ASAH2: variants seen among roughly 807,000 people sequenced by gnomAD.
The protein encoded by ASAH2 is neutral ceramidase.
ASAH2 carries 58 observed loss-of-function variants against 82.9 expected under a neutral mutation model. The observed-to-expected ratio is 0.70, with a 90% CI of 0.57 to 0.87. The LOEUF (loss-of-function observed/expected upper bound fraction) is 0.87. ASAH2 is among the 40% of genes least tolerant of loss of function. ASAH2 has a pLI of 0.00. For synonymous variants in ASAH2, 276 were observed against 289.7 expected (o/e 0.95, Z 0.48); for missense variants, 779 against 834.0 (o/e 0.93, Z 0.81).
chr10:50,190,503 T>C (rs796853361), intron 19 of ASAH2, among the ~76,000 whole-genome samples: 1 of 60,578 alleles, frequency 1.7e-5, no homozygotes, highest in African/African-American at 4.6e-5. Flanking sequence ...CCATAGGAAC[T>C]TGTAAAGAGA....
chr10:50,198,663 A>G (rs1845056778), intron 17 of ASAH2, among the ~76,000 whole-genome samples: 2 of 152,022 alleles, frequency 1.3e-5, no homozygotes, highest in Non-Finnish European at 2.9e-5. Flanking sequence ...AGGATTAGAG[A>G]ACACAGGTTC....
chr10:50,240,358 A>G (rs1846264384), intron 4 of ASAH2, among the ~76,000 whole-genome samples: 1 of 152,140 alleles, frequency 6.6e-6, no homozygotes, highest in Non-Finnish European at 1.5e-5. Flanking sequence ...TAGTATGATG[A>G]TTACTGTTTT....
intron 7 of ASAH2, among the ~76,000 whole-genome samples, chr10:50,222,176 T>A (rs980939379): frequency 2.0e-5 from 3 of 152,162 alleles, no homozygotes; most frequent in African/African-American, 7.2e-5. Flanking sequence ...TAAAGAGGAA[T>A]CAGATGCATT....
chr10:50,210,980 A>C, intron 11 of ASAH2, 50 bp downstream of exon 11: 2 of 1,601,366 alleles, frequency 1.2e-6, no homozygotes, highest in Non-Finnish European at 8.6e-7. Context: ...ATGAGATCAA[A>C]CCAAAACTTC....
chr10:50,205,620 C>T (rs71508045), intron 13 of ASAH2, among the ~76,000 whole-genome samples: 2,762 of 152,020 alleles, frequency 0.018, 30 homozygotes, highest in Non-Finnish European at 0.028. Context: ...TAGACAGGAA[C>T]ATGTTTTGTT....
chr10:50,230,464 A>G (rs1641142572), intron 7 of ASAH2, among the ~76,000 whole-genome samples: 1 of 152,100 alleles, frequency 6.6e-6, no homozygotes, highest in South Asian at 2.1e-4. Context: ...AGCAGCCCAC[A>G]TTTGACTTTA....
At chr10:50,202,444 A>G (rs954579643) in intron 16 of ASAH2, among the ~76,000 whole-genome samples, 1 of 152,088 alleles carries the variant, frequency 6.6e-6, no homozygotes. Flanking sequence ...TAACATTTGC[A>G]AAGTCTTAAC....
chr10:50,224,453 T>G (rs1845828073), intron 7 of ASAH2, among the ~76,000 whole-genome samples: 1 of 152,152 alleles, frequency 6.6e-6, no homozygotes, highest in African/African-American at 2.4e-5. Context: ...TGTTCAACAT[T>G]CGCAACACAT....
At chr10:50,200,366 C>T (rs1165725819) in intron 16 of ASAH2, among the ~76,000 whole-genome samples, 1 of 151,138 alleles carries the variant, frequency 6.6e-6, no homozygotes, top group East Asian at 2.0e-4. Flanking sequence ...CTTACCATCA[C>T]CCTCCGCATA....
chr10:50,186,080 T>A lies in ASAH2; in HGVS notation c.*1235A>T, dbSNP rs1298943631. 6.8e-6 allele frequency: 1 copy of A among 146,184 alleles called. No individual in the cohort carries two copies. The allele number at this position is 146,184 out of a possible 1,614,324, so 9.1% of individuals were successfully genotyped here. ...TATTTTACAATGCCCAAAAATAACT[T>A]TCAAAATAGTATTTAGCAAACTGTC... On this transcript the variant is annotated 3_prime_UTR_variant, in exon 21 of 21. Transcript: ENST00000682911.
intron 3 of ASAH2, 123 bp from the exon 4 acceptor site, chr10:50,243,474 C>T: frequency 9.6e-7 from 1 of 1,044,282 alleles, no homozygotes; most frequent in Non-Finnish European, 1.4e-6. Flanking sequence ...GACATGGTGG[C>T]TCTGAGTGAG....
chr10:50,235,963 C>T lies in ASAH2; in HGVS notation c.612G>A (p.Gln204=), dbSNP rs1589352242. The part of the protein sequence containing the change: ...HTHSGPAGYF[Q]YTVFVIASEG... ...CACTGGCAATTACAAACACGGTATA[C>T]TGGAAATATCCTGCAGGACCTGAAT... Residue 204 remains glutamine, a synonymous_variant, in exon 5 of 21, where the codon CAG becomes CAA. Transcript: ENST00000682911. The T allele has an allele frequency of 6.2e-7, 1 of 1,613,372 alleles. No homozygotes were observed. Among genetic ancestry groups the T allele is most frequent in the Non-Finnish European group, 8.5e-7 (1 of 1,179,466 alleles).
At chr10:50,236,665 G>A (rs1158088154) in intron 4 of ASAH2, among the ~76,000 whole-genome samples, 2 of 151,968 alleles carry the variant, frequency 1.3e-5, no homozygotes, top group African/African-American at 4.8e-5. Context: ...ACAATGCTAG[G>A]TATGTTATAT....
chr10:50,211,758 T>C (rs1271289131), intron 10 of ASAH2, among the ~76,000 whole-genome samples: 5 of 152,202 alleles, frequency 3.3e-5, no homozygotes, highest in Non-Finnish European at 7.3e-5. Context: ...CAAATCCTGT[T>C]TCATCAAACG....
intron 7 of ASAH2, among the ~76,000 whole-genome samples, chr10:50,228,792 G>A (rs1845954696): frequency 6.6e-6 from 1 of 151,896 alleles, no homozygotes. Flanking sequence ...GGAGGAGGAG[G>A]AGAAGCGGGA....
intron 16 of ASAH2, among the ~76,000 whole-genome samples, chr10:50,200,212 T>C (rs1163404141): frequency 6.6e-6 from 1 of 151,338 alleles, no homozygotes; most frequent in Non-Finnish European, 1.5e-5. Context: ...CCTTTCTAAA[T>C]CACAAAATTT....
chr10:50,210,774 C>T, intron 12 of ASAH2, 49 bp downstream of exon 12: 1 of 1,394,952 alleles, frequency 7.2e-7, no homozygotes, highest in Non-Finnish European at 1.0e-6. Context: ...GAACAGAACC[C>T]AGAAGCTTCA....
At chr10:50,242,001 G>A (rs749250219) in intron 4 of ASAH2, among the ~76,000 whole-genome samples, 21 of 151,882 alleles carry the variant, frequency 1.4e-4, no homozygotes, top group African/African-American at 2.4e-4. Context: ...AAAACTCCAC[G>A]TTCTGCACAT....
At chr10:50,212,194 C>CACACACAA (rs1845473339) in intron 10 of ASAH2, among the ~76,000 whole-genome samples, 1 of 151,730 alleles carries the variant, frequency 6.6e-6, no homozygotes, top group African/African-American at 2.4e-5. Flanking sequence ...CACACACACA[C>CACACACAA]ACACACACAC....
Sources: allele counts gnomAD v4.1 joint callset (sites outside exome capture counted in the v4.1 genomes callset), GRCh38; gene constraint gnomAD v4.1.1; transcripts MANE v1.5; gene names NCBI Gene and HGNC (gene_info 2026-07-23, HGNC 2026-07-21).